The following TRAPPC14 variants were observed in gnomAD, a reference collection of about 807,000 sequenced individuals.
TRAPPC14 encodes the protein trafficking protein particle complex subunit 14.
TRAPPC14 carries 24 observed loss-of-function variants against 56.6 expected under a neutral mutation model. The ratio of observed to expected loss-of-function variants is 0.42; its 90% CI spans 0.31 to 0.60. The LOEUF (loss-of-function observed/expected upper bound fraction) is 0.60, where lower values mean the gene tolerates loss of function less well. Among genes scored for constraint, TRAPPC14 ranks in the 20% least tolerant of loss-of-function variants. The pLI is 0.14. For missense variants in TRAPPC14, 615 were observed against 790.3 expected (o/e 0.78, Z 2.66); for synonymous variants, 377 against 347.0 (o/e 1.09, Z -0.96).
chr7:100,154,815 C>A lies in TRAPPC14; in HGVS notation c.*196G>T. On this transcript the variant is annotated 3_prime_UTR_variant, in exon 11 of 11. Coordinates refer to ENST00000316937, the MANE Select transcript of TRAPPC14 (RefSeq NM_018275.5). ...ACAGGAACTCGGGGAATACTGGTGG[C>A]TTAGTCCCAGCCATGCCCGCCCACT... The A allele has an allele frequency of 1.6e-6, 1 of 616,204 alleles. No homozygotes were observed. 38.2% of individuals were successfully genotyped at this position (616,204 alleles called of 1,614,324 possible).
Position 100,157,492 on chromosome 7 carries a change from T to C in TRAPPC14, c.638-33A>G, listed in dbSNP as rs748963240. 5.6e-6 allele frequency: 9 copies of C among 1,605,474 alleles called. No individual in the cohort carries two copies. In the South Asian group the frequency reaches 6.6e-5, roughly 12 times the overall value. On this transcript the variant is annotated intron_variant, in intron 3 of 10. Transcript: ENST00000316937. ...AGGGGGTGGGGGCAAGAAGTGATGG[T>C]CTGGAGGCTGACCTCACCTCCAACC... is the stretch of plus-strand genomic sequence containing the variant.
chr7:100,158,271 T>C lies in TRAPPC14; in HGVS notation c.229A>G (p.Thr77Ala), dbSNP rs1299562601. The C allele has an allele frequency of 6.7e-7, 1 of 1,490,284 alleles. No homozygotes were observed. The highest frequency in any genetic ancestry group is 2.7e-5 in the East Asian group (1 of 36,598). The allele number at this position is 1,490,284 out of a possible 1,614,324, so 92.3% of individuals were successfully genotyped here. A position where few individuals can be genotyped will look rare whatever the true frequency, so the allele number is the denominator to read the frequency against. Residue 77 changes from threonine (T) to alanine (A), a missense_variant, in exon 1 of 11, where the codon ACC (threonine) becomes GCC (alanine). Thr to Ala is a moderately conservative substitution (Grantham distance 58). Transcript: ENST00000316937. ...ACCGAGGCCAGGGCGGCCAGGGCGG[T>C]TGCCAGTTCTGCCCAGGCTCCTCTG... Reference protein sequence around the residue: ...GSRGAWAELATALAALASVSA... With the variant: ...GSRGAWAELAAALAALASVSA...
At position 100,158,356 on chromosome 7, in the gene TRAPPC14, C is replaced by A. The variant is rs999158566; in HGVS notation, c.144G>T (p.Leu48=). 4.0e-6 allele frequency: 6 copies of A among 1,487,930 alleles called. 1 individual carries two copies. The South Asian group carries it at 7.7e-5, about 19-fold the overall frequency. 92.2% of individuals were successfully genotyped at this position (1,487,930 alleles called of 1,614,324 possible). ...CCGCACCGCCCCGGCAGCGCAACAC[C>A]AGCAGAAAACGGACAGTCTCCCCCA... ...LYLGETVRFL[L]VLRCRGGAGS... The change falls in exon 1 of 11, where the codon CTG becomes CTT. Residue 48 remains leucine, a synonymous_variant. Coordinates refer to ENST00000316937, the MANE Select transcript of TRAPPC14 (RefSeq NM_018275.5).
chr7:100,157,584 C>T, intron 3 of TRAPPC14, 49 bp downstream of exon 3: 1 of 1,609,700 alleles, frequency 6.2e-7, no homozygotes, highest in Middle Eastern at 1.8e-4. Flanking sequence ...TCCCCTCTGT[C>T]CCCCAATTCC....
rs770015419 is a variant in TRAPPC14 at position 100,155,792 on chromosome 7, A to T, written c.1274T>A (p.Met425Lys). 6.2e-7 allele frequency: 1 copy of T among 1,614,204 alleles called. No homozygotes were observed. The highest frequency in any genetic ancestry group is 8.5e-7 in the Non-Finnish European group (1 of 1,180,038). The change falls in exon 9 of 11, where the codon ATG (methionine) becomes AAG (lysine). Residue 425 changes from methionine to lysine, a missense_variant. By Grantham distance (95) the Met-to-Lys change is moderately conservative. Coordinates refer to ENST00000316937, the MANE Select transcript of TRAPPC14 (RefSeq NM_018275.5). ...KQLCEEERRA[M>K]QAALDSVVCH... is the part of the protein sequence containing the mutation. ...GACGACGGAGTCCAGGGCAGCCTGC[A>T]TGGCCCGGCGCTCCTCCTCACACAG...
chr7:100,156,901 G>A lies in TRAPPC14; in HGVS notation c.937C>T (p.His313Tyr), dbSNP rs779785828. Residue 313 changes from histidine (H) to tyrosine (Y), a missense_variant, in exon 6 of 11, where the codon CAC (histidine) becomes TAC (tyrosine). Physicochemically the swap from His to Tyr is moderately conservative, Grantham distance 83. Transcript: ENST00000316937. ...FPCPLNALEE[H>Y]NFLFQLRGGE... ...CCTCTCAGCTGAAACAGGAAGTTGT[G>A]TTCCTCCAGGGCATTCAGCGGGCAG... 1.2e-6 allele frequency: 2 copies of A among 1,614,108 alleles called. No homozygotes were observed. The highest frequency in any genetic ancestry group is 1.7e-6 in the Non-Finnish European group (2 of 1,180,024).
At position 100,156,927 on chromosome 7, in the gene TRAPPC14, G is replaced by A; in HGVS notation, c.911C>T (p.Pro304Leu). The A allele has an allele frequency of 6.2e-7, 1 of 1,614,088 alleles. No individual in the cohort carries two copies. Among genetic ancestry groups the A allele is most frequent in the Non-Finnish European group, 8.5e-7 (1 of 1,180,034 alleles). The change falls in exon 6 of 11, where the codon CCC becomes CTC. Residue 304 changes from proline to leucine, a missense_variant. Coordinates refer to ENST00000316937, the MANE Select transcript of TRAPPC14 (RefSeq NM_018275.5). Reference protein sequence around the residue: ...CRLPGTSGCFPCPLNALEEHN... With the variant: ...CRLPGTSGCFLCPLNALEEHN... ...TTCCTCCAGGGCATTCAGCGGGCAG[G>A]GGAAGCAGCCAGAGGTCCCGGGTAG...
intron 3 of TRAPPC14, 79 bp downstream of exon 3, chr7:100,157,554 C>T: frequency 1.2e-6 from 2 of 1,606,508 alleles, no homozygotes; most frequent in South Asian, 1.1e-5. Flanking sequence ...AGCCCATTAG[C>T]CACTTTCCAG....
Position 100,158,519 on chromosome 7 carries a change from G to T in TRAPPC14, c.-20C>A. On this transcript the variant is annotated 5_prime_UTR_variant, in exon 1 of 11. Coordinates refer to ENST00000316937, the MANE Select transcript of TRAPPC14 (RefSeq NM_018275.5). Reference sequence around the variant, plus strand: ...CTCCATGGGGCGGCGAGGACGGCGCGACTGGGAGCCCGGACCGGAGGCCGA... The same window carrying T: ...CTCCATGGGGCGGCGAGGACGGCGCTACTGGGAGCCCGGACCGGAGGCCGA... The T allele has an allele frequency of 7.6e-7, 1 of 1,308,698 alleles. No individual in the cohort carries two copies. The highest frequency in any genetic ancestry group is 2.2e-5 in the South Asian group (1 of 45,256). The allele number at this position is 1,308,698 out of a possible 1,614,324, so 81.1% of individuals were successfully genotyped here.
rs368825151 is a variant in TRAPPC14 at position 100,157,345 on chromosome 7, G to A, written c.724+28C>T. ...TCCAATCAGTTCCCTTGTTGCTCCC[G>A]GAGGCTGGAGCCGGCAGCCCTGCTT... On this transcript the variant is annotated intron_variant, in intron 4 of 10. Transcript: ENST00000316937. 4.0e-5 allele frequency: 65 copies of A among 1,613,466 alleles called. 1 individual carries two copies. The Middle Eastern group carries it at 4.9e-4, about 12-fold the overall frequency.
At chr7:100,156,298 T>G in intron 8 of TRAPPC14, 88 bp downstream of exon 8, 2 of 1,406,358 alleles carry the variant, frequency 1.4e-6, no homozygotes, top group Non-Finnish European at 2.0e-6. Flanking sequence ...GGCACCAAAT[T>G]TGGCTGTTTT....
rs768618479 is a variant in TRAPPC14 at position 100,158,128 on chromosome 7, G to T, written c.372C>A (p.Thr124=). ...GLFRGCSPLL[T]HGPGPATSGG... is the part of the protein sequence containing the mutation. ...CTGAGGTAGCAGGGCCCGGGCCGTG[G>T]GTGAGAAGGGGGCTGCAGCCTCGGA... The change falls in exon 1 of 11, where the codon ACC becomes ACA. Residue 124 remains threonine, a synonymous_variant. Transcript: ENST00000316937. 4.0e-6 allele frequency: 6 copies of T among 1,495,994 alleles called. No homozygotes were observed. Among genetic ancestry groups the T allele is most frequent in the Non-Finnish European group, 5.3e-6 (6 of 1,127,954 alleles). The allele number at this position is 1,495,994 out of a possible 1,614,324, so 92.7% of individuals were successfully genotyped here. A position where few individuals can be genotyped will look rare whatever the true frequency, so the allele number is the denominator to read the frequency against.
At position 100,156,733 on chromosome 7, in the gene TRAPPC14, G is replaced by A. The variant is rs1469346773; in HGVS notation, c.994-17C>T. 1.2e-6 allele frequency: 2 copies of A among 1,606,806 alleles called. No homozygotes were observed. The highest frequency in any genetic ancestry group is 1.7e-4 in the Middle Eastern group (1 of 6,024). On this transcript the variant is annotated splice_polypyrimidine_tract_variant and intron_variant, in intron 6 of 10. Transcript: ENST00000316937. ...TTCCAGGCCCTGCAGGAGGGACAAA[G>A]GGGGTTGGCACAGGTATTAAGAGTG...
rs1330228724 is a variant in TRAPPC14, at chr7:100,154,730, C to A, written c.*281G>T. The A allele has an allele frequency of 1.8e-5, 9 of 511,510 alleles. No homozygotes were observed. The highest frequency in any genetic ancestry group is 3.2e-5 in the Non-Finnish European group (9 of 284,982). 31.7% of individuals were successfully genotyped at this position (511,510 alleles called of 1,614,324 possible). On this transcript the variant is annotated 3_prime_UTR_variant, in exon 11 of 11. Transcript: ENST00000316937. ...TAAACTCAGAACCAGGGTAAAGGGC[C>A]GGGGACAAGGGAGCTCTGGGAACCC...
chr7:100,154,780 A>G lies in TRAPPC14; in HGVS notation c.*231T>C. The stretch of plus-strand genomic sequence containing the variant: ...CTTGCCCTGGCCTAGGGGTGGGGCC[A>G]GCCCCCCCCACAGGAACTCGGGGAA... On this transcript the variant is annotated 3_prime_UTR_variant, in exon 11 of 11. Transcript: ENST00000316937. 2 of 583,996 alleles carry G rather than the reference A, an allele frequency of 3.4e-6. No individual in the cohort carries two copies. Among genetic ancestry groups the G allele is most frequent in the Non-Finnish European group, 6.1e-6 (2 of 327,984 alleles). 36.2% of individuals were successfully genotyped at this position (583,996 alleles called of 1,614,324 possible).
chr7:100,155,702 G>A lies in TRAPPC14; in HGVS notation c.1364C>T (p.Ala455Val), dbSNP rs763400660. ...GAGCCCCGTCCTCAGAGCCTGGAAG[G>A]CCACACTGAAGGTGAGCGCGCTGCC... ...RKGSALTFSV[A>V]FQALRTGLFE... is the part of the protein sequence containing the mutation. Residue 455 changes from alanine to valine, a missense_variant, in exon 9 of 11, where the codon GCC (alanine) becomes GTC (valine). Physicochemically the swap from Ala to Val is moderately conservative, Grantham distance 64. Coordinates refer to ENST00000316937, the MANE Select transcript of TRAPPC14 (RefSeq NM_018275.5). The A allele has an allele frequency of 6.2e-7, 1 of 1,612,222 alleles. No individual in the cohort carries two copies. The highest frequency in any genetic ancestry group is 8.5e-7 in the Non-Finnish European group (1 of 1,178,872).
chr7:100,155,230 C>A (rs369194304), intron 10 of TRAPPC14, 32 bp downstream of exon 10: 1 of 1,593,752 alleles, frequency 6.3e-7, no homozygotes, highest in African/African-American at 1.3e-5. Flanking sequence ...CATCCTCTAC[C>A]CGGTCCCATG....
At chr7:100,156,777 A>G in intron 6 of TRAPPC14, 61 bp from the exon 7 acceptor site, 1 of 1,602,042 alleles carries the variant, frequency 6.2e-7, no homozygotes, top group Non-Finnish European at 8.5e-7. Flanking sequence ...ATCTTGAGTC[A>G]GCTGCCTGGT....
Position 100,156,459 on chromosome 7 carries a change from G to A in TRAPPC14, c.1167C>T (p.Thr389=). The A allele has an allele frequency of 1.9e-6, 3 of 1,614,190 alleles. No homozygotes were observed. Among genetic ancestry groups the A allele is most frequent in the African/African-American group, 1.3e-5 (1 of 75,042 alleles). Residue 389 remains threonine, a synonymous_variant, in exon 8 of 11, where the codon ACC becomes ACT. Coordinates refer to ENST00000316937, the MANE Select transcript of TRAPPC14 (RefSeq NM_018275.5). ...PVRTYERFTV[T]YTLLNNLQDF... Reference sequence around the variant, plus strand: ...CTTGGAGATTGTTAAGCAGCGTGTAGGTGACAGTGAAACGCTCGTAGGTCC... The same window carrying A: ...CTTGGAGATTGTTAAGCAGCGTGTAAGTGACAGTGAAACGCTCGTAGGTCC...
Sources: allele counts gnomAD v4.1 joint callset, GRCh38; gene constraint gnomAD v4.1.1; transcripts MANE v1.5; gene names NCBI Gene and HGNC (gene_info 2026-07-23, HGNC 2026-07-21).